The following GDPD4 variants were observed in gnomAD, a reference collection of about 807,000 sequenced individuals.
GDPD4 encodes glycerophosphodiester phosphodiesterase domain containing 4.
In GDPD4, 60 loss-of-function variants were observed where a neutral mutation model predicts 67.8. The ratio of observed to expected loss-of-function variants is 0.88; its 90% CI spans 0.72 to 1.10. The LOEUF (loss-of-function observed/expected upper bound fraction) is 1.10, where lower values mean the gene tolerates loss of function less well. Ranked by LOEUF, GDPD4 falls within the 50% of genes least tolerant of loss-of-function variation. The pLI is 0.00. For missense variants in GDPD4, 623 were observed against 613.9 expected (o/e 1.01, Z -0.16); for synonymous variants, 212 against 210.9 (o/e 1.00, Z -0.04).
intron 15 of GDPD4, among the ~76,000 whole-genome samples, chr11:77,228,462 T>C (rs1326081900): frequency 8.2e-6 from 1 of 122,194 alleles, no homozygotes; most frequent in East Asian, 2.5e-4. Context: ...ATCGTGACAC[T>C]ATACTCCAGC....
chr11:77,297,538 A>G (rs921719019), intron 1 of GDPD4, among the ~76,000 whole-genome samples: 10 of 136,522 alleles, frequency 7.3e-5, no homozygotes, highest in South Asian at 2.4e-4. Context: ...TCCGTCTCAG[A>G]AAAAAAAAAA....
intron 1 of GDPD4, among the ~76,000 whole-genome samples, chr11:77,301,233 C>G (rs1420639945): frequency 1.3e-5 from 2 of 152,018 alleles, no homozygotes; most frequent in Non-Finnish European, 2.9e-5. Context: ...AAAACTGAAC[C>G]CCTGATGTTT....
rs1429862909 is a variant in GDPD4 at position 77,268,547 on chromosome 11, A to C, written c.625-8T>G. Reference sequence around the variant, plus strand: ...GGTATTCTCAGGCCCCAACTGTAGAAGAAAAGGACATCAGGCCCTAAGCCT... The same window carrying C: ...GGTATTCTCAGGCCCCAACTGTAGACGAAAAGGACATCAGGCCCTAAGCCT... On this transcript the variant is annotated splice_polypyrimidine_tract_variant and splice_region_variant and intron_variant, in intron 9 of 16. Coordinates refer to ENST00000315938, the MANE Select transcript of GDPD4 (RefSeq NM_182833.3). 6.3e-7 allele frequency: 1 copy of C among 1,599,594 alleles called. No individual in the cohort carries two copies. Among genetic ancestry groups the C allele is most frequent in the African/African-American group, 1.3e-5 (1 of 74,334 alleles).
At chr11:77,243,357 C>A (rs1036461651) in intron 13 of GDPD4, among the ~76,000 whole-genome samples, 1 of 152,082 alleles carries the variant, frequency 6.6e-6, no homozygotes, top group Admixed American at 6.6e-5. Flanking sequence ...AGGAAATAAA[C>A]GTTTTGAGTT....
chr11:77,259,990 G>A (rs1449855856), intron 10 of GDPD4, among the ~76,000 whole-genome samples: 1 of 152,062 alleles, frequency 6.6e-6, no homozygotes, highest in Non-Finnish European at 1.5e-5. Context: ...AATTACATAG[G>A]CTTTCTTTAG....
At chr11:77,249,405 T>C (rs1170887243) in intron 11 of GDPD4, among the ~76,000 whole-genome samples, 1 of 152,176 alleles carries the variant, frequency 6.6e-6, no homozygotes, top group African/African-American at 2.4e-5. Context: ...AACGTTACTA[T>C]ATTGATTCAA....
intron 2 of GDPD4, among the ~76,000 whole-genome samples, chr11:77,286,111 T>C (rs1306322986): frequency 6.6e-6 from 1 of 152,068 alleles, no homozygotes; most frequent in Admixed American, 6.6e-5. Flanking sequence ...CTTCTTCACA[T>C]TCATATCCTC....
intron 1 of GDPD4, among the ~76,000 whole-genome samples, chr11:77,293,155 C>T (rs2135895555): frequency 6.6e-6 from 1 of 152,254 alleles, no homozygotes; most frequent in East Asian, 1.9e-4. Flanking sequence ...TATCCTGACA[C>T]CAAAACCAGA....
chr11:77,266,905 A>T (rs1959180801), intron 10 of GDPD4, among the ~76,000 whole-genome samples: 1 of 152,102 alleles, frequency 6.6e-6, no homozygotes, highest in Admixed American at 6.6e-5. Flanking sequence ...ATTGAAGAAA[A>T]TTTTTTTATG....
chr11:77,261,588 C>T (rs2853096), intron 10 of GDPD4, among the ~76,000 whole-genome samples: 113,190 of 152,158 alleles, frequency 0.74, 43,238 homozygotes, highest in African/African-American at 0.93. Flanking sequence ...CTAAGGAAAC[C>T]GATTTATAGA....
intron 16 of GDPD4, among the ~76,000 whole-genome samples, chr11:77,223,923 G>C (rs888496320): frequency 2.0e-5 from 3 of 152,340 alleles, no homozygotes; most frequent in East Asian, 3.9e-4. Flanking sequence ...CCCCTAGCCA[G>C]GCTGTGGCCT....
chr11:77,249,736 TCAAGGGGACA>T (rs1958852418), intron 11 of GDPD4, among the ~76,000 whole-genome samples: 1 of 152,198 alleles, frequency 6.6e-6, no homozygotes, highest in East Asian at 1.9e-4. Flanking sequence ...AGTTAAAAAC[TCAAGGGGACA>T]CCTTGAGATA....
At chr11:77,250,097 T>G (rs1457792078) in intron 11 of GDPD4, among the ~76,000 whole-genome samples, 1 of 152,220 alleles carries the variant, frequency 6.6e-6, no homozygotes, top group Non-Finnish European at 1.5e-5. Flanking sequence ...AATTTATTTT[T>G]TTAACTTTTA....
chr11:77,231,130 A>G (rs540971328), intron 14 of GDPD4, among the ~76,000 whole-genome samples: 1 of 152,318 alleles, frequency 6.6e-6, no homozygotes, highest in East Asian at 1.9e-4. Context: ...GACATGATAA[A>G]TATTTGTTTA....
At chr11:77,255,020 G>A (rs961730422) in intron 11 of GDPD4, among the ~76,000 whole-genome samples, 12 of 152,028 alleles carry the variant, frequency 7.9e-5, no homozygotes, top group Admixed American at 2.0e-4. Context: ...AAAGCTCCAC[G>A]ATCAAACCTA....
At chr11:77,274,977 C>A (rs140585461) in intron 5 of GDPD4, among the ~76,000 whole-genome samples, 1 of 152,046 alleles carries the variant, frequency 6.6e-6, no homozygotes, top group Admixed American at 6.6e-5. Flanking sequence ...TTTGACAGTA[C>A]AGTAAGGTGA....
intron 13 of GDPD4, among the ~76,000 whole-genome samples, chr11:77,238,871 G>A (rs1207032026): frequency 6.6e-6 from 1 of 152,044 alleles, no homozygotes; most frequent in Non-Finnish European, 1.5e-5. Context: ...TGATACCAAA[G>A]CAAGATACGG....
chr11:77,275,185 A>G (rs1244276024), intron 5 of GDPD4, among the ~76,000 whole-genome samples: 2 of 152,194 alleles, frequency 1.3e-5, no homozygotes, highest in African/African-American at 4.8e-5. Context: ...TCCCACAAAT[A>G]TGTCTAATTA....
At chr11:77,287,852 CT>C (rs1310515146) in intron 1 of GDPD4, among the ~76,000 whole-genome samples, 3 of 152,210 alleles carry the variant, frequency 2.0e-5, no homozygotes, top group Admixed American at 1.3e-4. Flanking sequence ...CTGGCTGCTC[CT>C]TCCCTTTCTC....
Sources: allele counts gnomAD v4.1 joint callset (sites outside exome capture counted in the v4.1 genomes callset), GRCh38; gene constraint gnomAD v4.1.1; transcripts MANE v1.5; gene names NCBI Gene and HGNC (gene_info 2026-07-23, HGNC 2026-07-21).